IL1RAPL2: variants seen among roughly 807,000 people sequenced by gnomAD.
IL1RAPL2 encodes X-linked interleukin-1 receptor accessory protein-like 2.
A neutral mutation model predicts 44.1 loss-of-function variants in IL1RAPL2; 3 were observed. That is an observed-to-expected ratio of 0.07 (90% CI 0.03 to 0.18). The LOEUF is 0.18. Ranked by LOEUF, IL1RAPL2 falls within the 10% of genes least tolerant of loss-of-function variation. IL1RAPL2 has a pLI of 1.00. For synonymous variants in IL1RAPL2, 181 were observed against 178.8 expected (o/e 1.01, Z -0.10); for missense variants, 391 against 496.4 (o/e 0.79, Z 2.02).
At chrX:105,425,618 C>G (rs1457930418) in intron 5 of IL1RAPL2, among the ~76,000 whole-genome samples, 1 of 108,820 alleles carries the variant, frequency 9.2e-6, no homozygotes, top group Non-Finnish European at 1.9e-5. Flanking sequence ...TTTGCTGATT[C>G]GTGTAAGCAA....
At chrX:104,635,212 A>ACAGCAGAGTTTCTG (rs1929766146) in intron 1 of IL1RAPL2, among the ~76,000 whole-genome samples, 3 of 111,765 alleles carry the variant, frequency 2.7e-5, no homozygotes, top group Non-Finnish European at 5.6e-5. Flanking sequence ...TGAGAGATCC[A>ACAGCAGAGTTTCTG]CTGTTAGTCT....
chrX:105,691,025 A>G (rs1396347370), intron 6 of IL1RAPL2, among the ~76,000 whole-genome samples: 1 of 111,201 alleles, frequency 9.0e-6, no homozygotes, highest in African/African-American at 3.3e-5. Context: ...TCACAGTCCT[A>G]TCAGATCAGG....
intron 5 of IL1RAPL2, among the ~76,000 whole-genome samples, chrX:105,454,870 CCCCTATCCCCAGCAAA>C (rs1391239391): frequency 2.0e-5 from 2 of 98,488 alleles, no homozygotes; most frequent in Non-Finnish European, 4.0e-5. Context: ...TCCCCAGCAA[CCCCTATCCCCAGCAAA>C]GCCATGCTAC....
At chrX:105,506,520 G>A (rs189214936) in intron 6 of IL1RAPL2, among the ~76,000 whole-genome samples, 68 of 111,434 alleles carry the variant, frequency 6.1e-4, no homozygotes, top group African/African-American at 2.2e-3. Context: ...AAGACAGTGA[G>A]AAGATTCCAG....
chrX:105,555,348 G>C (rs1166787211), intron 6 of IL1RAPL2, among the ~76,000 whole-genome samples: 1 of 111,323 alleles, frequency 9.0e-6, no homozygotes, highest in African/African-American at 3.3e-5. Context: ...GGAAAGCTAA[G>C]GTAACTATCA....
At chrX:105,010,952 G>T (rs1465390151) in intron 2 of IL1RAPL2, among the ~76,000 whole-genome samples, 1 of 110,914 alleles carries the variant, frequency 9.0e-6, no homozygotes, top group East Asian at 2.9e-4. Flanking sequence ...TGCTGATGTG[G>T]GCCATTGCCA....
intron 6 of IL1RAPL2, among the ~76,000 whole-genome samples, chrX:105,665,344 C>CGTGTGTGTGTGT (rs58453498): frequency 2.0e-5 from 2 of 98,538 alleles, no homozygotes; most frequent in African/African-American, 7.3e-5. Flanking sequence ...TATGCGCGTG[C>CGTGTGTGTGTGT]GTGTGTGTGT....
chrX:105,396,595 T>G (rs1485528273), intron 5 of IL1RAPL2, among the ~76,000 whole-genome samples: 1 of 105,424 alleles, frequency 9.5e-6, no homozygotes, highest in Non-Finnish European at 2.0e-5. Flanking sequence ...AATCCTTATC[T>G]ACAGGCCTGA....
chrX:105,079,032 C>T (rs891302624), intron 2 of IL1RAPL2, among the ~76,000 whole-genome samples: 1 of 112,176 alleles, frequency 8.9e-6, no homozygotes, highest in Admixed American at 9.4e-5. Flanking sequence ...GCACTGCATC[C>T]ACTATCCTGC....
chrX:104,877,413 G>T (rs1218312463), intron 2 of IL1RAPL2, among the ~76,000 whole-genome samples: 3 of 111,771 alleles, frequency 2.7e-5, no homozygotes, highest in Middle Eastern at 4.7e-3. Flanking sequence ...CCAATCAATA[G>T]AAAAAGAGGG....
chrX:104,809,619 T>C (rs1436947941), intron 2 of IL1RAPL2, among the ~76,000 whole-genome samples: 5 of 109,924 alleles, frequency 4.5e-5, no homozygotes, highest in African/African-American at 1.7e-4. Context: ...TTGTAGATTC[T>C]GGATATTAGC....
At chrX:104,962,376 ACTT>A (rs2030025535) in intron 2 of IL1RAPL2, among the ~76,000 whole-genome samples, 1 of 111,824 alleles carries the variant, frequency 8.9e-6, no homozygotes, top group Admixed American at 9.5e-5. Flanking sequence ...AGGTTTATTG[ACTT>A]CTTTATTATA....
intron 2 of IL1RAPL2, among the ~76,000 whole-genome samples, chrX:104,896,853 G>T (rs777076373): frequency 9.0e-6 from 1 of 111,291 alleles, no homozygotes; most frequent in Non-Finnish European, 1.9e-5. Context: ...CCTGAAGTCA[G>T]TGAGACCACA....
chrX:104,759,771 T>A (rs1932396793), intron 2 of IL1RAPL2, among the ~76,000 whole-genome samples: 1 of 111,868 alleles, frequency 8.9e-6, no homozygotes, highest in Non-Finnish European at 1.9e-5. Flanking sequence ...AAATGGGGTA[T>A]CCATCCTGCC....
intron 1 of IL1RAPL2, among the ~76,000 whole-genome samples, chrX:104,574,653 GCT>G (rs2147989761): frequency 8.9e-6 from 1 of 111,963 alleles, no homozygotes; most frequent in South Asian, 3.7e-4. Context: ...AATATAAGTG[GCT>G]CTAATAGTGT....
At chrX:105,669,861 T>G (rs1212932856) in intron 6 of IL1RAPL2, among the ~76,000 whole-genome samples, 1 of 108,416 alleles carries the variant, frequency 9.2e-6, no homozygotes, top group Non-Finnish European at 1.9e-5. Context: ...ATTTGTTTAT[T>G]TTTCTAAAAC....
At chrX:105,566,410 A>G (rs941844843) in intron 6 of IL1RAPL2, among the ~76,000 whole-genome samples, 9 of 111,357 alleles carry the variant, frequency 8.1e-5, no homozygotes, top group Non-Finnish European at 1.5e-4. Context: ...GATTTTGACT[A>G]ATGGGCGAAT....
chrX:104,774,444 T>C (rs1320164909), intron 2 of IL1RAPL2, among the ~76,000 whole-genome samples: 1 of 111,881 alleles, frequency 8.9e-6, no homozygotes, highest in Non-Finnish European at 1.9e-5. Flanking sequence ...GACTAAGTAG[T>C]AGTACTTGGG....
chrX:104,779,225 T>C (rs930484683), intron 2 of IL1RAPL2, among the ~76,000 whole-genome samples: 2 of 111,998 alleles, frequency 1.8e-5, no homozygotes, highest in Non-Finnish European at 3.8e-5. Context: ...AGGAAGAAAA[T>C]TATAGGGAGG....
Sources: allele counts gnomAD v4.1 joint callset (sites outside exome capture counted in the v4.1 genomes callset), GRCh38; gene constraint gnomAD v4.1.1; transcripts MANE v1.5; gene names NCBI Gene and HGNC (gene_info 2026-07-23, HGNC 2026-07-21).